The following SYT14 variants were observed in gnomAD, a reference collection of about 807,000 sequenced individuals.
The protein encoded by SYT14 is synaptotagmin 14.
In SYT14, 32 loss-of-function variants were observed where a neutral mutation model predicts 74.2. The observed-to-expected ratio is 0.43, with a 90% confidence interval of 0.33 to 0.58. The LOEUF is 0.58. Ranked by LOEUF, SYT14 falls within the 20% of genes least tolerant of loss-of-function variation. The pLI, the probability that SYT14 is intolerant of heterozygous loss-of-function variation, is 0.05. For missense variants in SYT14, 791 were observed against 981.8 expected (o/e 0.81, Z 2.60); for synonymous variants, 298 against 337.7 (o/e 0.88, Z 1.29).
At chr1:209,991,905 G>A (rs533362646) in intron 2 of SYT14, among the ~76,000 whole-genome samples, 2 of 152,216 alleles carry the variant, frequency 1.3e-5, no homozygotes, top group South Asian at 4.2e-4. Flanking sequence ...CTGTTGGTGG[G>A]AATGTAAATT....
chr1:209,940,939 GT>G (rs1367715043), intron 1 of SYT14, among the ~76,000 whole-genome samples: 1 of 152,104 alleles, frequency 6.6e-6, no homozygotes, highest in African/African-American at 2.4e-5. Context: ...ATTAGAATAG[GT>G]TTTTTTGGAG....
intron 2 of SYT14, among the ~76,000 whole-genome samples, chr1:209,988,708 A>G (rs2079614190): frequency 6.6e-6 from 1 of 152,184 alleles, no homozygotes; most frequent in African/African-American, 2.4e-5. Flanking sequence ...ATAAGGTTTG[A>G]GATTTTAAAA....
At chr1:210,040,988 C>T (rs986677063) in intron 5 of SYT14, among the ~76,000 whole-genome samples, 7 of 152,196 alleles carry the variant, frequency 4.6e-5, no homozygotes, top group African/African-American at 1.7e-4. Context: ...CAATATGGTG[C>T]CTGTGGTGGC....
intron 8 of SYT14, among the ~76,000 whole-genome samples, chr1:210,156,366 CT>C (rs555843867): frequency 1.9e-4 from 29 of 149,838 alleles, no homozygotes; most frequent in African/African-American, 4.9e-4. Flanking sequence ...TATTACTTCA[CT>C]TTTTTTTTTC....
At chr1:210,032,152 A>G (rs981689863) in intron 5 of SYT14, among the ~76,000 whole-genome samples, 2 of 152,036 alleles carry the variant, frequency 1.3e-5, no homozygotes, top group African/African-American at 4.8e-5. Context: ...GAATCAACTG[A>G]AGATGCTAGA....
chr1:210,010,372 A>G (rs538993554), intron 2 of SYT14, among the ~76,000 whole-genome samples: 1 of 152,256 alleles, frequency 6.6e-6, no homozygotes, highest in African/African-American at 2.4e-5. Flanking sequence ...TGTCCTAGGT[A>G]CTTTGAAGAT....
At chr1:210,094,745 C>T (rs2081939641) in intron 6 of SYT14, 152 bp downstream of exon 5, 1 of 1,017,116 alleles carries the variant, frequency 9.8e-7, no homozygotes, top group Non-Finnish European at 1.5e-6. Context: ...CTTTATCCAA[C>T]AAACTTATCA....
intron 5 of SYT14, among the ~76,000 whole-genome samples, chr1:210,059,338 A>C (rs2081157328): frequency 6.6e-6 from 1 of 151,092 alleles, no homozygotes; most frequent in Non-Finnish European, 1.5e-5. Context: ...TTGGGAATTA[A>C]TTTGATGGCT....
intron 4 of SYT14, among the ~76,000 whole-genome samples, chr1:210,018,197 A>G (rs2080226490): frequency 1.3e-5 from 2 of 152,158 alleles, no homozygotes; most frequent in Admixed American, 6.5e-5. Flanking sequence ...GCAGTGGTGC[A>G]ATCTCGGCTC....
intron 5 of SYT14, among the ~76,000 whole-genome samples, chr1:210,058,257 C>G (rs2081136361): frequency 1.3e-5 from 2 of 152,154 alleles, no homozygotes; most frequent in African/African-American, 4.8e-5. Flanking sequence ...AAATATCAGT[C>G]TAACTGCTGT....
chr1:210,019,920 A>C (rs1014979243), intron 4 of SYT14, among the ~76,000 whole-genome samples: 10 of 152,208 alleles, frequency 6.6e-5, no homozygotes. Context: ...TTTTTAGAAC[A>C]ATAAAAAATT....
exon 4 of SYT14, chr1:210,016,641 A>C (rs2080189549): frequency 8.1e-7 from 1 of 1,231,814 alleles, no homozygotes; most frequent in African/African-American, 1.6e-5. Context: ...TTGTATGAGC[A>C]AAAGAAATAT....
intron 2 of SYT14, among the ~76,000 whole-genome samples, chr1:209,976,552 C>A (rs1314229394): frequency 6.6e-6 from 1 of 151,652 alleles, no homozygotes; most frequent in East Asian, 1.9e-4. Flanking sequence ...AGTTTGATTG[C>A]ACTGTGGTCT....
At chr1:210,035,080 T>C (rs2080630356) in intron 5 of SYT14, among the ~76,000 whole-genome samples, 1 of 151,958 alleles carries the variant, frequency 6.6e-6, no homozygotes, top group African/African-American at 2.4e-5. Flanking sequence ...TGTACTAATT[T>C]ACATTCTCAC....
rs572587249 is a variant in SYT14, at chr1:209,955,966, T to C, written c.-486+3210T>C. 1.2e-4 allele frequency among the ~76,000 whole-genome samples: 18 copies of C among 152,362 alleles called. No homozygotes were observed. In the South Asian group the frequency reaches 3.3e-3, roughly 28 times the overall value. ...AAGTCAGTTTTCAGAACTTACATTT[T>C]TATAATCAATATTGTTTGCAGTAAA... On this transcript the variant is annotated intron_variant, in intron 2 of 9. Coordinates refer to ENST00000637265, the Ensembl canonical transcript of SYT14.
chr1:210,058,780 C>T (rs1414333500), intron 5 of SYT14, among the ~76,000 whole-genome samples: 1 of 152,018 alleles, frequency 6.6e-6, no homozygotes, highest in Non-Finnish European at 1.5e-5. Flanking sequence ...TGTTCCTTAC[C>T]CCAACACATC....
At chr1:210,017,114 TG>T in intron 4 of SYT14, 1 of 1,225,964 alleles carries the variant, frequency 8.2e-7, no homozygotes. Context: ...GGTCTCCTAA[TG>T]TTGGTGTGAG....
In SYT14 at chr1:210,059,447, T is replaced by TAGAGAGAGAGAG. The variant is rs1466056446; in HGVS notation, c.1313-34874_1313-34873insGAGAGAGAGAGA. ...GAAAGAATATATATATATATATATA[T>TAGAGAGAGAGAG]ATATAGAGAGAGAGAGAGAGAGAGA... On this transcript the variant is annotated intron_variant, in intron 5 of 9. Coordinates refer to ENST00000637265, the Ensembl canonical transcript of SYT14. 1.9e-3 allele frequency among the ~76,000 whole-genome samples: 177 copies of TAGAGAGAGAGAG among 94,686 alleles called. 2 individuals carry two copies. Among genetic ancestry groups the TAGAGAGAGAGAG allele is most frequent in the Middle Eastern group, 5.9e-3 (1 of 170 alleles). 62.1% of individuals were successfully genotyped at this position (94,686 alleles called of 152,430 possible).
rs79181747 is a variant in SYT14 at position 210,128,670 on chromosome 1, T to G, written c.2035-27051T>G. 9.5e-3 allele frequency among the ~76,000 whole-genome samples: 1,448 copies of G among 152,328 alleles called. 20 individuals are homozygous for G. Among genetic ancestry groups the G allele is most frequent in the African/African-American group, 0.033 (1,368 of 41,578 alleles). ...TGTCCTACAGAATTTCTGAGTAAGC[T>G]CTACCAATCATTTGCATCAGAATCT... On this transcript the variant is annotated intron_variant, in intron 7 of 9. Coordinates refer to ENST00000637265, the Ensembl canonical transcript of SYT14.
Sources: gnomAD v4.1 joint callset for allele counts (sites outside exome capture counted in the v4.1 genomes callset) on GRCh38, gnomAD v4.1.1 for gene constraint, MANE v1.5 for transcripts, NCBI Gene and HGNC (gene_info 2026-07-23, HGNC 2026-07-21) for gene names.